PCDHGA8: variants seen among roughly 807,000 people sequenced by gnomAD.
The protein encoded by PCDHGA8 is protocadherin gamma-A8.
Under a neutral mutation model 59.2 loss-of-function variants are expected in PCDHGA8, and 45 were observed. That is an observed-to-expected ratio of 0.76 (90% confidence interval 0.60 to 0.98). The LOEUF (loss-of-function observed/expected upper bound fraction) is 0.98, where lower values mean the gene tolerates loss of function less well. Among genes scored for constraint, PCDHGA8 ranks in the 50% least tolerant of loss-of-function variants. PCDHGA8 has a pLI of 0.00. For missense variants in PCDHGA8, 1,257 were observed against 1,196.2 expected, an observed-to-expected ratio of 1.05 and a Z score of -0.75; for synonymous variants, 531 against 519.0, an observed-to-expected ratio of 1.02 and a Z score of -0.32.
chr5:141,462,652 A>T (rs201168659), intron 1 of PCDHGA8, among the ~76,000 whole-genome samples: 1 of 80,348 alleles, frequency 1.2e-5, no homozygotes, highest in African/African-American at 7.4e-5. Flanking sequence ...TTCCATCCTC[A>T]ATTATCTTCA....
intron 1 of PCDHGA8, chr5:141,428,358 G>C: frequency 1.8e-6 from 1 of 565,492 alleles, no homozygotes; most frequent in South Asian, 1.9e-5. Context: ...TGATTTTGGC[G>C]GTCGCCTTGC....
chr5:141,413,176 A>G lies in PCDHGA8; in HGVS notation c.2424+17939A>G, dbSNP rs758582296. 252 of 1,601,774 alleles carry G rather than the reference A, an allele frequency of 1.6e-4. 1 individual carries two copies. Among genetic ancestry groups the G allele is most frequent in the Non-Finnish European group, 2.1e-4 (243 of 1,173,006 alleles). Reference sequence around the variant, plus strand: ...TGCAGAATTCTGTAACCAGACTACAATGGCCGCTCAAAGGAATCGCTCAAA... The same window carrying G: ...TGCAGAATTCTGTAACCAGACTACAGTGGCCGCTCAAAGGAATCGCTCAAA... On this transcript the variant is annotated intron_variant, in intron 1 of 3. Coordinates refer to ENST00000398604, the MANE Select transcript of PCDHGA8 (RefSeq NM_032088.2).
Position 141,511,002 on chromosome 5 carries a change from C to A in PCDHGA8, c.2628C>A (p.Ser876Arg), listed in dbSNP as rs143630962. The change falls in exon 4 of 4, where the codon AGC becomes AGA. Residue 876 changes from serine to arginine, a missense_variant. Physicochemically the swap from Ser to Arg is moderately radical, Grantham distance 110. Transcript: ENST00000398604. Reference protein sequence around the residue: ...LGGGAGTMGLSARYGPQFTLQ... With the variant: ...LGGGAGTMGLRARYGPQFTLQ... ...GGGGTGCCGGCACCATGGGATTGAG[C>A]GCCCGCTACGGACCCCAGTTCACCC... The A allele has an allele frequency of 8.7e-6, 14 of 1,614,140 alleles. No homozygotes were observed. The highest frequency in any genetic ancestry group is 1.2e-5 in the Non-Finnish European group (14 of 1,180,018).
intron 1 of PCDHGA8, chr5:141,419,137 C>CAGGG: frequency 6.2e-7 from 1 of 1,613,892 alleles, no homozygotes; most frequent in Non-Finnish European, 8.5e-7. Context: ...CAGCCACAGA[C>CAGGG]AGGGGCAAGC....
intron 1 of PCDHGA8, chr5:141,405,580 G>T: frequency 1.7e-6 from 1 of 591,996 alleles, no homozygotes; most frequent in South Asian, 2.1e-5. Flanking sequence ...GAGTAGCTGG[G>T]ACTACAGGCC....
chr5:141,393,787 G>A lies in PCDHGA8; in HGVS notation c.974G>A (p.Gly325Glu), dbSNP rs1267376494. The A allele has an allele frequency of 1.9e-6, 3 of 1,613,930 alleles. No individual in the cohort carries two copies. Among genetic ancestry groups the A allele is most frequent in the Non-Finnish European group, 2.5e-6 (3 of 1,179,894 alleles). Residue 325 changes from glycine to glutamate, a missense_variant, in exon 1 of 4, where the codon GGG becomes GAG. Gly to Glu is a moderately conservative substitution (Grantham distance 98). Coordinates refer to ENST00000398604, the MANE Select transcript of PCDHGA8 (RefSeq NM_032088.2). ...YEMEIQAEDV[G>E]ALLGRTKLLI... is the part of the protein sequence containing the mutation. Reference sequence around the variant, plus strand: ...ATGGAAATACAAGCCGAAGATGTGGGGGCACTTCTGGGGAGGACCAAATTG... The same window carrying A: ...ATGGAAATACAAGCCGAAGATGTGGAGGCACTTCTGGGGAGGACCAAATTG...
intron 1 of PCDHGA8, chr5:141,399,794 C>T (rs2093888579): frequency 1.9e-6 from 3 of 1,613,268 alleles, no homozygotes; most frequent in Middle Eastern, 1.7e-4. Flanking sequence ...GACAACGCAC[C>T]GCGGGTGCTG....
intron 3 of PCDHGA8, among the ~76,000 whole-genome samples, chr5:141,508,937 G>T (rs764041162): frequency 3.0e-4 from 45 of 152,040 alleles, no homozygotes; most frequent in Non-Finnish European, 6.3e-4. Flanking sequence ...AGTTAATTAG[G>T]GAAAACAGAG....
intron 1 of PCDHGA8, chr5:141,410,562 C>A (rs748563687): frequency 1.9e-6 from 3 of 1,612,718 alleles, no homozygotes; most frequent in Non-Finnish European, 2.5e-6. Context: ...TCTCCTGGAG[C>A]CTTAATTCCA....
chr5:141,472,602 T>A (rs1032061805), intron 1 of PCDHGA8, among the ~76,000 whole-genome samples: 1 of 152,026 alleles, frequency 6.6e-6, no homozygotes, highest in South Asian at 2.1e-4. Context: ...CTTGAAATTA[T>A]AAAACAAAGA....
At chr5:141,415,401 G>T in intron 1 of PCDHGA8, 2 of 1,614,206 alleles carry the variant, frequency 1.2e-6, no homozygotes, top group Non-Finnish European at 1.7e-6. Context: ...TGTCCGGCTC[G>T]CACTTTGTGG....
chr5:141,432,495 C>G lies in PCDHGA8; in HGVS notation c.2424+37258C>G. 1.2e-6 allele frequency: 2 copies of G among 1,614,182 alleles called. No individual in the cohort carries two copies. The highest frequency in any genetic ancestry group is 1.7e-6 in the Non-Finnish European group (2 of 1,180,048). On this transcript the variant is annotated intron_variant, in intron 1 of 3. Coordinates refer to ENST00000398604, the MANE Select transcript of PCDHGA8 (RefSeq NM_032088.2). The surrounding 1 kb of genome is among the most constrained non-coding windows in gnomAD (Gnocchi z 6.0). ...GGTTCCACTGGCGTGGAGCTGGCTC[C>G]CCGCTCCGCAGAGCCCGGCTACCTG...
At chr5:141,447,576 A>G (rs758449068) in intron 1 of PCDHGA8, among the ~76,000 whole-genome samples, 6 of 152,214 alleles carry the variant, frequency 3.9e-5, no homozygotes, top group African/African-American at 7.2e-5. Context: ...CTATGTCCAC[A>G]CATACCTTAA....
intron 1 of PCDHGA8, chr5:141,413,247 C>T (rs1168509242): frequency 1.2e-6 from 2 of 1,613,822 alleles, no homozygotes; most frequent in African/African-American, 2.7e-5. Flanking sequence ...GCCTTTTCTT[C>T]GGGATTCCAT....
intron 1 of PCDHGA8, chr5:141,409,529 G>A: frequency 6.2e-7 from 1 of 1,613,962 alleles, no homozygotes; most frequent in Middle Eastern, 1.6e-4. Context: ...CTTGTATGTC[G>A]CTGACATCAA....
In PCDHGA8 at chr5:141,400,210, A is replaced by C. The variant is rs201102949; in HGVS notation, c.2424+4973A>C. 1.2e-3 allele frequency: 1,976 copies of C among 1,613,732 alleles called. 4 individuals are homozygous for C. The highest frequency in any genetic ancestry group is 1.6e-3 in the Non-Finnish European group (1,832 of 1,179,862). ...TTACCTAGTGGTGGCCTTGGCCTTG[A>C]TCTCAGTGCTCTTCCTCCTGGCCGT... On this transcript the variant is annotated intron_variant, in intron 1 of 3. Coordinates refer to ENST00000398604, the MANE Select transcript of PCDHGA8 (RefSeq NM_032088.2).
At chr5:141,426,898 C>T (rs1246109323) in intron 1 of PCDHGA8, 1 of 456,634 alleles carries the variant, frequency 2.2e-6, no homozygotes, top group African/African-American at 2.0e-5. Flanking sequence ...CAACAGAGCT[C>T]TCATCTCCTG....
In PCDHGA8 at chr5:141,393,936, G is replaced by A. The variant is rs766829273; in HGVS notation, c.1123G>A (p.Asp375Asn). The change falls in exon 1 of 4, where the codon GAC becomes AAC. Residue 375 changes from aspartate to asparagine, a missense_variant. By Grantham distance (23) the Asp-to-Asn change is conservative (BLOSUM62 1). Transcript: ENST00000398604. ...TGCCTTCTTGAGTGTGCATGACCAA[G>A]ACTCTGGAAAGAATGGTCAAGTTGT... ...VIAFLSVHDQ[D>N]SGKNGQVVCY... is the part of the protein sequence containing the mutation. 3 of 1,613,922 alleles carry A rather than the reference G, an allele frequency of 1.9e-6. No homozygotes were observed. In the Admixed American group the frequency reaches 5.0e-5, roughly 27 times the overall value.
At position 141,486,837 on chromosome 5, in the gene PCDHGA8, T is replaced by G; in HGVS notation, c.2425-7970T>G. The G allele has an allele frequency of 6.2e-7, 1 of 1,614,256 alleles. No individual in the cohort carries two copies. The highest frequency in any genetic ancestry group is 8.5e-7 in the Non-Finnish European group (1 of 1,180,044). ...AGCACTGTAACAGTTCGTCTATTTG[T>G]GCTGGACCTCAATGACAATGCTCCA... On this transcript the variant is annotated intron_variant, in intron 1 of 3. Transcript: ENST00000398604. The surrounding 1 kb of genome is among the most constrained non-coding windows in gnomAD (Gnocchi z 5.0).
Sources: gnomAD v4.1 joint callset for allele counts (sites outside exome capture counted in the v4.1 genomes callset) on GRCh38, gnomAD v4.1.1 for gene constraint, Gnocchi (gnomAD v3.1) non-coding constraint, MANE v1.5 for transcripts, NCBI Gene and HGNC (gene_info 2026-07-23, HGNC 2026-07-21) for gene names.